MRPS10: variants seen among roughly 807,000 people sequenced by gnomAD.
MRPS10 encodes small ribosomal subunit protein uS10m.
Under a neutral mutation model 27.5 loss-of-function variants are expected in MRPS10, and 23 were observed. That is an observed-to-expected ratio of 0.84 (90% confidence interval 0.60 to 1.18). The LOEUF is 1.18. MRPS10 is among the 50% of genes most tolerant of loss of function. The pLI is 0.00. For synonymous variants in MRPS10, 88 were observed against 84.2 expected (o/e 1.04, Z -0.25); for missense variants, 237 against 240.1 (o/e 0.99, Z 0.09).
At chr6:42,210,093 G>A (rs957838642) in intron 5 of MRPS10, among the ~76,000 whole-genome samples, 1 of 152,204 alleles carries the variant, frequency 6.6e-6, no homozygotes, top group Non-Finnish European at 1.5e-5. Context: ...GACTGTGCTG[G>A]CACTAATGGA....
intron 5 of MRPS10, among the ~76,000 whole-genome samples, chr6:42,209,872 CCAAT>C (rs1768727707): frequency 6.6e-6 from 1 of 151,320 alleles, no homozygotes; most frequent in Non-Finnish European, 1.5e-5. Context: ...TTAATATTTA[CCAAT>C]CACTTACTAT....
chr6:42,216,407 T>TGTGTGTGA (rs1562075425), intron 1 of MRPS10, among the ~76,000 whole-genome samples: 2 of 130,906 alleles, frequency 1.5e-5, no homozygotes, highest in Non-Finnish European at 3.4e-5. Context: ...TGTGTGTGTG[T>TGTGTGTGA]GTGTGTTGGG....
At chr6:42,214,887 T>A (rs1223019337) in intron 1 of MRPS10, among the ~76,000 whole-genome samples, 1 of 152,162 alleles carries the variant, frequency 6.6e-6, no homozygotes, top group Non-Finnish European at 1.5e-5. Flanking sequence ...CTTATACCCA[T>A]CATTAACTAC....
rs549387144 is a variant in MRPS10 at position 42,210,099 on chromosome 6, A to C, written c.432+389T>G. On this transcript the variant is annotated intron_variant, in intron 5 of 6. Coordinates refer to ENST00000053468, the MANE Select transcript of MRPS10 (RefSeq NM_018141.4). ...TAAGCACACGACTGTGCTGGCACTA[A>C]TGGAAGCACAAATGAGTAACAGATG... Among the ~76,000 whole-genome samples, 3 of 152,362 alleles carry C rather than the reference A, an allele frequency of 2.0e-5. No individual in the cohort carries two copies. In the South Asian group the frequency reaches 6.2e-4, roughly 32 times the overall value.
Position 42,215,336 on chromosome 6 carries a change from G to T in MRPS10, c.49-992C>A, listed in dbSNP as rs141600905. On this transcript the variant is annotated intron_variant, in intron 1 of 6. Coordinates refer to ENST00000053468, the MANE Select transcript of MRPS10 (RefSeq NM_018141.4). ...ACCCGGGAGGCGGAGGTCCAGGCTG[G>T]GTGACAGAGCGAGACTCCCTCTCAA... Among the ~76,000 whole-genome samples, 199 of 90,236 alleles carry T rather than the reference G, an allele frequency of 2.2e-3. 1 individual carries two copies. Among genetic ancestry groups the T allele is most frequent in the African/African-American group, 8.3e-3 (189 of 22,656 alleles). The allele number at this position is 90,236 out of a possible 152,430, so 59.2% of individuals were successfully genotyped here. A position where few individuals can be genotyped will look rare whatever the true frequency, so the allele number is the denominator to read the frequency against.
At chr6:42,208,814 A>C (rs1302871963) in intron 6 of MRPS10, 44 bp downstream of exon 6, 2 of 1,293,640 alleles carry the variant, frequency 1.5e-6, no homozygotes, top group African/African-American at 3.0e-5. Context: ...TACAGATACC[A>C]CTCCCCACCG....
chr6:42,210,049 C>CTAA (rs1768733438), intron 5 of MRPS10, among the ~76,000 whole-genome samples: 2 of 152,212 alleles, frequency 1.3e-5, no homozygotes, highest in African/African-American at 4.8e-5. Context: ...CATTGGCAGT[C>CTAA]TGACTCCAGA....
At position 42,210,211 on chromosome 6, in the gene MRPS10, T is replaced by C. The variant is rs140936054; in HGVS notation, c.432+277A>G. The stretch of plus-strand genomic sequence containing the variant: ...TATTAGAACTGTGTAAAAACTTCAC[T>C]AGAATTTTTGAAATATGAGCAAAAT... On this transcript the variant is annotated intron_variant, in intron 5 of 6. Coordinates refer to ENST00000053468, the MANE Select transcript of MRPS10 (RefSeq NM_018141.4). Among the ~76,000 whole-genome samples, 221 of 152,326 alleles carry C rather than the reference T, an allele frequency of 1.5e-3. 1 individual carries two copies. Among genetic ancestry groups the C allele is most frequent in the African/African-American group, 5.0e-3 (208 of 41,564 alleles).
In MRPS10 at chr6:42,217,734, T is replaced by G. The variant is rs192733401; in HGVS notation, c.48+68A>C. ...GAAAAATCCTGATGGGCAGAGCGGC[T>G]GGTGGCAGGGAAACTTAAAAGCAAC... On this transcript the variant is annotated intron_variant, in intron 1 of 6. Transcript: ENST00000053468. 1,144 of 1,534,326 alleles carry G rather than the reference T, an allele frequency of 7.5e-4. 8 individuals carry two copies. The African/African-American group carries it at 0.012, about 16-fold the overall frequency.
chr6:42,215,131 GT>G (rs1450156471), intron 1 of MRPS10, among the ~76,000 whole-genome samples: 1 of 152,126 alleles, frequency 6.6e-6, no homozygotes, highest in African/African-American at 2.4e-5. Flanking sequence ...GCTCACACCT[GT>G]AATCCCAGCA....
At chr6:42,209,008 T>G in intron 5 of MRPS10, 61 bp from the exon 6 acceptor site, 10 of 1,171,716 alleles carry the variant, frequency 8.5e-6, no homozygotes, top group Non-Finnish European at 1.1e-5. Flanking sequence ...GGTTTTTTGT[T>G]TTTTTTTTTG....
At chr6:42,217,267 A>G (rs1391262769) in intron 1 of MRPS10, among the ~76,000 whole-genome samples, 1 of 152,206 alleles carries the variant, frequency 6.6e-6, no homozygotes, top group Non-Finnish European at 1.5e-5. Context: ...CTGAACTCCG[A>G]AAGTGTAAAG....
intron 3 of MRPS10, among the ~76,000 whole-genome samples, chr6:42,212,201 A>G (rs940486589): frequency 6.6e-6 from 1 of 152,232 alleles, no homozygotes; most frequent in African/African-American, 2.4e-5. Flanking sequence ...TTCAGCTTCA[A>G]ATTCACAATG....
At chr6:42,208,419 CT>C (rs773946306) in intron 6 of MRPS10, 47 bp from the exon 7 acceptor site, 2 of 1,351,130 alleles carry the variant, frequency 1.5e-6, no homozygotes, top group South Asian at 2.5e-5. Context: ...TAACAGAACT[CT>C]TTGACTACAA....
intron 1 of MRPS10, 52 bp from the exon 2 acceptor site, chr6:42,214,396 C>T (rs760704574): frequency 7.3e-7 from 1 of 1,379,166 alleles, no homozygotes; most frequent in Admixed American, 1.9e-5. Flanking sequence ...AACTACCAAA[C>T]CATTCATAAT....
rs183279363 is a variant in MRPS10, at chr6:42,212,640, G to T, written c.187-723C>A. Among the ~76,000 whole-genome samples the T allele has an allele frequency of 7.2e-5, 11 of 152,196 alleles. No homozygotes were observed. In the East Asian group the frequency reaches 2.1e-3, roughly 29 times the overall value. On this transcript the variant is annotated intron_variant, in intron 3 of 6. Transcript: ENST00000053468. ...GACATTTTTGACTTTCTTCCAAAAG[G>T]TGAATTACCTTCATTTCATTCATCC...
Position 42,217,858 on chromosome 6 carries a change from T to G in MRPS10, c.-9A>C. 6.2e-7 allele frequency: 1 copy of G among 1,613,766 alleles called. No individual in the cohort carries two copies. The highest frequency in any genetic ancestry group is 8.5e-7 in the Non-Finnish European group (1 of 1,179,884). ...GCTGTCCGCGCCGCCATCTTGCCGG[T>G]CCCGACCTCTCAGGATTGCTTCCGG... On this transcript the variant is annotated 5_prime_UTR_variant, in exon 1 of 7. Coordinates refer to ENST00000053468, the MANE Select transcript of MRPS10 (RefSeq NM_018141.4).
chr6:42,214,075 T>C (rs762997554), intron 3 of MRPS10, 45 bp downstream of exon 3: 2 of 1,477,704 alleles, frequency 1.4e-6, no homozygotes, highest in Non-Finnish European at 9.2e-7. Context: ...AAGGAAAACC[T>C]ATTGCCAAGG....
Position 42,208,125 on chromosome 6 carries a change from C to A in MRPS10, c.*164G>T, listed in dbSNP as rs1008490669. The A allele has an allele frequency of 1.7e-5, 11 of 636,776 alleles. No homozygotes were observed. The South Asian group carries it at 2.1e-4, about 12-fold the overall frequency. The allele number at this position is 636,776 out of a possible 1,614,324, so 39.4% of individuals were successfully genotyped here. A position where few individuals can be genotyped will look rare whatever the true frequency, so the allele number is the denominator to read the frequency against. On this transcript the variant is annotated 3_prime_UTR_variant, in exon 7 of 7. Transcript: ENST00000053468. Reference sequence around the variant, plus strand: ...AAAAGAATAGATAAAAGTGGTTCTTCCATTAAAGTTCCATTCCCTGCCCTC... The same window carrying A: ...AAAAGAATAGATAAAAGTGGTTCTTACATTAAAGTTCCATTCCCTGCCCTC...
Sources: gnomAD v4.1 joint callset for allele counts (sites outside exome capture counted in the v4.1 genomes callset) on GRCh38, gnomAD v4.1.1 for gene constraint, MANE v1.5 for transcripts, NCBI Gene and HGNC (gene_info 2026-07-23, HGNC 2026-07-21) for gene names.